Variants in ABCA12 observed in about 807,000 individuals in gnomAD.
The protein encoded by ABCA12 is glucosylceramide transporter ABCA12.
ABCA12 carries 156 observed loss-of-function variants against 293.5 expected under a neutral mutation model. The ratio of observed to expected loss-of-function variants is 0.53; its 90% CI spans 0.47 to 0.61. The LOEUF (loss-of-function observed/expected upper bound fraction) is 0.61, where lower values mean the gene tolerates loss of function less well. Ranked by LOEUF, ABCA12 falls within the 20% of genes least tolerant of loss-of-function variation. ABCA12 has a pLI of 0.00. For missense variants in ABCA12, 2,797 were observed against 3,090.2 expected (o/e 0.91, Z 2.25); for synonymous variants, 1,063 against 1,108.0 (o/e 0.96, Z 0.81).
rs746158907 is a variant in ABCA12 at position 214,934,172 on chromosome 2, G to C, written c.7586C>G (p.Ala2529Gly). 4 of 1,613,754 alleles carry C rather than the reference G, an allele frequency of 2.5e-6. No individual in the cohort carries two copies. Among genetic ancestry groups the C allele is most frequent in the Middle Eastern group, 1.7e-4 (1 of 6,058 alleles). The change falls in exon 52 of 53, where the codon GCA becomes GGA. Residue 2529 changes from alanine (A) to glycine (G), a missense_variant. Coordinates refer to ENST00000272895, the MANE Select transcript of ABCA12 (RefSeq NM_173076.3). Reference protein sequence around the residue: ...SMLEYHVPVTAGGVANIFDLL... With the variant: ...SMLEYHVPVTGGGVANIFDLL... ...ATCAAAAATGTTTGCGACTCCTCCT[G>C]CTGTGACTGGTACATGATACTCTAG... is the stretch of plus-strand genomic sequence containing the variant.
At chr2:214,935,109 G>A (rs902161714) in intron 51 of ABCA12, among the ~76,000 whole-genome samples, 21 of 152,158 alleles carry the variant, frequency 1.4e-4, no homozygotes, top group African/African-American at 3.9e-4. Flanking sequence ...TTCTCCTCCC[G>A]CTTTGTGCAT....
At chr2:215,043,906 T>C (rs1206387003) in intron 7 of ABCA12, among the ~76,000 whole-genome samples, 1 of 152,050 alleles carries the variant, frequency 6.6e-6, no homozygotes, top group East Asian at 1.9e-4. Flanking sequence ...AATAGGATGA[T>C]AACGCTATCT....
At chr2:215,073,570 G>A (rs973061014) in intron 2 of ABCA12, among the ~76,000 whole-genome samples, 1 of 151,824 alleles carries the variant, frequency 6.6e-6, no homozygotes, top group Non-Finnish European at 1.5e-5. Flanking sequence ...TGCAGCCCCC[G>A]CCCCCACCGA....
At chr2:215,138,039 C>G (rs551076882) in intron 1 of ABCA12, 101 bp downstream of exon 1, 1 of 1,198,856 alleles carries the variant, frequency 8.3e-7, no homozygotes, top group South Asian at 1.2e-5. Flanking sequence ...TTGGAAAATG[C>G]CTTTAAACTC....
At position 214,978,797 on chromosome 2, in the gene ABCA12, G is replaced by A; in HGVS notation, c.4977+7C>T. On this transcript the variant is annotated splice_region_variant and intron_variant, in intron 32 of 52. Coordinates refer to ENST00000272895, the MANE Select transcript of ABCA12 (RefSeq NM_173076.3). ...CTTGAAGAAAAAAAAGAAATATTGA[G>A]GTATACCTCCTCCACGGTGGTATCT... The A allele has an allele frequency of 6.2e-7, 1 of 1,609,558 alleles. No individual in the cohort carries two copies. Among genetic ancestry groups the A allele is most frequent in the Non-Finnish European group, 8.5e-7 (1 of 1,175,928 alleles).
In ABCA12 at chr2:214,944,467, A is replaced by G. The variant is rs554327293; in HGVS notation, c.7343+534T>C. 3.9e-5 allele frequency among the ~76,000 whole-genome samples: 6 copies of G among 152,120 alleles called. No individual in the cohort carries two copies. The East Asian group carries it at 9.6e-4, about 24-fold the overall frequency. ...TTTCAAATAGAAAGCACAGCCAAAG[A>G]AGGGGCTTGGAGATGGGAAAGGGTA... On this transcript the variant is annotated intron_variant, in intron 49 of 52. Transcript: ENST00000272895.
At chr2:215,095,551 G>A (rs1373440985) in intron 2 of ABCA12, among the ~76,000 whole-genome samples, 4 of 152,050 alleles carry the variant, frequency 2.6e-5, no homozygotes, top group Non-Finnish European at 4.4e-5. Flanking sequence ...CCTGCTCGAA[G>A]CAGCCCTGAG....
At chr2:215,054,506 T>C (rs1701382009) in intron 4 of ABCA12, 67 bp downstream of exon 4, 4 of 1,331,016 alleles carry the variant, frequency 3.0e-6, no homozygotes, top group Non-Finnish European at 4.3e-6. Flanking sequence ...AGTATAAACC[T>C]TTCAAAGATT....
intron 15 of ABCA12, among the ~76,000 whole-genome samples, chr2:215,012,551 A>G (rs1196928951): frequency 6.6e-6 from 1 of 152,376 alleles, no homozygotes; most frequent in East Asian, 1.9e-4. Flanking sequence ...CACATATTTC[A>G]TGATTCAATT....
At chr2:215,114,253 G>A (rs572230121) in intron 1 of ABCA12, among the ~76,000 whole-genome samples, 121 of 152,160 alleles carry the variant, frequency 8.0e-4, no homozygotes, top group Non-Finnish European at 1.6e-3. Context: ...GATTACAGGC[G>A]TTAGTCACCG....
At chr2:215,079,922 T>G (rs777125236) in intron 2 of ABCA12, among the ~76,000 whole-genome samples, 7 of 152,190 alleles carry the variant, frequency 4.6e-5, no homozygotes, top group African/African-American at 7.2e-5. Flanking sequence ...AAATACTGGT[T>G]GGGGATAAAT....
chr2:215,068,959 T>A (rs557167108), intron 2 of ABCA12, among the ~76,000 whole-genome samples: 8 of 152,308 alleles, frequency 5.3e-5, no homozygotes, highest in Admixed American at 2.0e-4. Flanking sequence ...ATGAAGCTAC[T>A]TCCATTTGAA....
At chr2:215,050,495 C>A (rs935796553) in intron 5 of ABCA12, among the ~76,000 whole-genome samples, 1 of 151,968 alleles carries the variant, frequency 6.6e-6, no homozygotes. Context: ...AGTATTTTAC[C>A]CATAATGTTG....
chr2:215,097,915 T>A (rs961821263), intron 2 of ABCA12, among the ~76,000 whole-genome samples: 1 of 152,194 alleles, frequency 6.6e-6, no homozygotes, highest in African/African-American at 2.4e-5. Context: ...CTTGGGTATA[T>A]CTCTGAAAAG....
At chr2:214,940,832 T>A (rs1366742759) in intron 50 of ABCA12, among the ~76,000 whole-genome samples, 2 of 152,202 alleles carry the variant, frequency 1.3e-5, no homozygotes, top group Non-Finnish European at 2.9e-5. Flanking sequence ...TATCATTTTT[T>A]ATTGTGTCTG....
intron 39 of ABCA12, among the ~76,000 whole-genome samples, chr2:214,963,478 C>T (rs1426066810): frequency 6.6e-6 from 1 of 151,862 alleles, no homozygotes; most frequent in Non-Finnish European, 1.5e-5. Context: ...CTGAATTCTA[C>T]CAGAGTATAA....
chr2:215,058,063 G>A (rs1485882212), intron 3 of ABCA12, among the ~76,000 whole-genome samples: 5 of 151,982 alleles, frequency 3.3e-5, no homozygotes, highest in Non-Finnish European at 7.4e-5. Flanking sequence ...CCCTAAATCT[G>A]AGTTAGTCCC....
At chr2:215,031,671 A>T (rs371726095) in intron 9 of ABCA12, 150 bp downstream of exon 9, 26 of 869,900 alleles carry the variant, frequency 3.0e-5, no homozygotes, top group East Asian at 1.8e-4. Flanking sequence ...ACTTTACTAC[A>T]CTTGGACTAT....
chr2:214,943,412 G>A (rs1381426909), intron 49 of ABCA12, among the ~76,000 whole-genome samples: 1 of 152,086 alleles, frequency 6.6e-6, no homozygotes, highest in African/African-American at 2.4e-5. Context: ...CCCACAAAGT[G>A]CAGGGATTAC....
Sources: gnomAD v4.1 joint callset for allele counts (sites outside exome capture counted in the v4.1 genomes callset) on GRCh38, gnomAD v4.1.1 for gene constraint, MANE v1.5 for transcripts, NCBI Gene and HGNC (gene_info 2026-07-23, HGNC 2026-07-21) for gene names.